Variants in ARL6 observed in about 807,000 individuals in gnomAD.
ARL6 encodes the protein ARF like GTPase 6, also known as ADP-ribosylation factor-like protein 6.
Under a neutral mutation model 27.1 loss-of-function variants are expected in ARL6, and 18 were observed. The ratio of observed to expected loss-of-function variants is 0.66; its 90% CI spans 0.46 to 0.98. The LOEUF (loss-of-function observed/expected upper bound fraction) is 0.98. Ranked by LOEUF, ARL6 falls within the 50% of genes least tolerant of loss-of-function variation. ARL6 has a pLI of 0.00. For missense variants in ARL6, 187 were observed against 214.9 expected, an observed-to-expected ratio of 0.87 and a Z score of 0.81; for synonymous variants, 65 against 72.3, an observed-to-expected ratio of 0.90 and a Z score of 0.51.
intron 2 of ARL6, among the ~76,000 whole-genome samples, chr3:97,774,286 C>G (rs2036784446): frequency 6.6e-6 from 1 of 152,138 alleles, no homozygotes; most frequent in African/African-American, 2.4e-5. Context: ...CTCTGGGGCC[C>G]CCCCAGGATT....
chr3:97,770,859 G>C (rs1377954756), intron 2 of ARL6, among the ~76,000 whole-genome samples: 1 of 151,906 alleles, frequency 6.6e-6, no homozygotes, highest in Admixed American at 6.6e-5. Context: ...TGGCTTCTCT[G>C]TTCTCTTCTG....
At chr3:97,776,082 C>T (rs1489526625) in intron 2 of ARL6, among the ~76,000 whole-genome samples, 1 of 152,168 alleles carries the variant, frequency 6.6e-6, no homozygotes, top group Non-Finnish European at 1.5e-5. Context: ...CACCCTTTAG[C>T]TCTATTAATG....
intron 2 of ARL6, among the ~76,000 whole-genome samples, chr3:97,776,754 T>A (rs763128669): frequency 2.4e-4 from 36 of 152,264 alleles, no homozygotes; most frequent in Non-Finnish European, 2.9e-4. Flanking sequence ...TTTCCCGGGT[T>A]CAAGTGATTC....
At chr3:97,775,877 C>A (rs1214101760) in intron 2 of ARL6, among the ~76,000 whole-genome samples, 1 of 152,048 alleles carries the variant, frequency 6.6e-6, no homozygotes, top group Non-Finnish European at 1.5e-5. Flanking sequence ...GAGAATGTTC[C>A]ATTTGATGAT....
At chr3:97,783,833 A>C (rs1468336845) in intron 4 of ARL6, among the ~76,000 whole-genome samples, 2 of 151,842 alleles carry the variant, frequency 1.3e-5, no homozygotes, top group Admixed American at 6.6e-5. Flanking sequence ...ATTGGCAATT[A>C]ATGAACTAGA....
chr3:97,791,748 G>A lies in ARL6; in HGVS notation c.480-23G>A, dbSNP rs1183570399. 1.9e-6 allele frequency: 3 copies of A among 1,611,536 alleles called. No homozygotes were observed. The highest frequency in any genetic ancestry group is 1.3e-5 in the African/African-American group (1 of 74,970). On this transcript the variant is annotated intron_variant, in intron 6 of 7. Coordinates refer to ENST00000463745, the MANE Select transcript of ARL6 (RefSeq NM_001278293.3). ...TTTTGTGATGTAATGAGATGGCTAT[G>A]TTTCTTATGGATTTCATTTCAGTGC...
intron 3 of ARL6, 146 bp downstream of exon 3, chr3:97,780,366 G>A (rs1477152697): frequency 2.0e-5 from 15 of 754,834 alleles, no homozygotes; most frequent in Admixed American, 5.9e-5. Context: ...CACTATGGCT[G>A]GTTTATTTTT....
rs1232602270 is a variant in ARL6 at position 97,800,743 on chromosome 3, C to A, written c.*2694C>A. The A allele has an allele frequency of 6.6e-6, 1 of 152,090 alleles. No homozygotes were observed. Among genetic ancestry groups the A allele is most frequent in the Non-Finnish European group, 1.5e-5 (1 of 68,008 alleles). 9.4% of individuals were successfully genotyped at this position (152,090 alleles called of 1,614,324 possible). ...TACCATAGACTGGGTGGCTTATAAA[C>A]GACAGAAATTTATTTCTTACAGCTC... is the stretch of plus-strand genomic sequence containing the variant. On this transcript the variant is annotated 3_prime_UTR_variant, in exon 8 of 8. Coordinates refer to ENST00000463745, the MANE Select transcript of ARL6 (RefSeq NM_001278293.3).
At chr3:97,780,107 A>C in intron 2 of ARL6, 52 bp from the exon 3 acceptor site, 1 of 1,448,154 alleles carries the variant, frequency 6.9e-7, no homozygotes. Flanking sequence ...AACTTGAGGA[A>C]AACTCATCTC....
At chr3:97,785,390 C>A (rs1231565562) in intron 5 of ARL6, among the ~76,000 whole-genome samples, 4 of 147,496 alleles carry the variant, frequency 2.7e-5, no homozygotes, top group African/African-American at 1.0e-4. Context: ...TGTATTTCAA[C>A]ACCCATTAAA....
At chr3:97,766,594 G>C (rs1346646151) in intron 1 of ARL6, 2 of 152,118 alleles carry the variant, frequency 1.3e-5, no homozygotes, top group Non-Finnish European at 2.9e-5. Flanking sequence ...TATCCCAAAA[G>C]GCCTAAGCAA....
chr3:97,798,072 A>C lies in ARL6; in HGVS notation c.*23A>C. 1 of 1,609,662 alleles carries C rather than the reference A, an allele frequency of 6.2e-7. No individual in the cohort carries two copies. Among genetic ancestry groups the C allele is most frequent in the Non-Finnish European group, 8.5e-7 (1 of 1,176,160 alleles). ...TGAAAAGATAATAGTTGGAAACCTC[A>C]GCAATTTTCAATTCAAGGAATCTAT... On this transcript the variant is annotated 3_prime_UTR_variant, in exon 8 of 8. Transcript: ENST00000463745.
intron 1 of ARL6, among the ~76,000 whole-genome samples, chr3:97,765,703 G>A (rs942379055): frequency 1.4e-4 from 21 of 152,160 alleles, no homozygotes; most frequent in Admixed American, 3.3e-4. Context: ...AACTACAGAT[G>A]CCCTGATCTT....
rs542079367 is a variant in ARL6 at position 97,765,615 on chromosome 3, T to C, written c.-28+638T>C. 2.6e-5 allele frequency among the ~76,000 whole-genome samples: 4 copies of C among 152,332 alleles called. No homozygotes were observed. In the East Asian group the frequency reaches 7.7e-4, roughly 29 times the overall value. ...AACCTTAAAAGCTGTGCTTGGAAGT[T>C]TGAAACTACTGGCTTTATTCTGAAA... On this transcript the variant is annotated intron_variant, in intron 1 of 7. Transcript: ENST00000463745.
chr3:97,797,730 A>T (rs1223024523), intron 7 of ARL6, among the ~76,000 whole-genome samples: 1 of 152,168 alleles, frequency 6.6e-6, no homozygotes, highest in African/African-American at 2.4e-5. Context: ...TACAACTTTG[A>T]TAAAAATAAT....
intron 6 of ARL6, among the ~76,000 whole-genome samples, chr3:97,790,152 A>T (rs2037665102): frequency 6.6e-6 from 1 of 151,882 alleles, no homozygotes; most frequent in South Asian, 2.1e-4. Flanking sequence ...ATAAGCAAAT[A>T]AATTTATAAA....
intron 2 of ARL6, among the ~76,000 whole-genome samples, chr3:97,773,669 A>C (rs1227705761): frequency 6.6e-6 from 1 of 152,268 alleles, no homozygotes. Flanking sequence ...ATCTTATGTC[A>C]CATGATAAAG....
At chr3:97,787,130 A>T (rs1444564526) in intron 5 of ARL6, among the ~76,000 whole-genome samples, 1 of 152,176 alleles carries the variant, frequency 6.6e-6, no homozygotes, top group Admixed American at 6.5e-5. Flanking sequence ...GATTGTTCAT[A>T]GTTGTAAAGA....
At chr3:97,794,917 T>C (rs2037927678) in intron 7 of ARL6, among the ~76,000 whole-genome samples, 1 of 152,058 alleles carries the variant, frequency 6.6e-6, no homozygotes, top group Non-Finnish European at 1.5e-5. Flanking sequence ...TGAAACACTA[T>C]TGTGACTAAA....
Sources: gnomAD v4.1 joint callset for allele counts (sites outside exome capture counted in the v4.1 genomes callset) on GRCh38, gnomAD v4.1.1 for gene constraint, MANE v1.5 for transcripts, NCBI Gene and HGNC (gene_info 2026-07-23, HGNC 2026-07-21) for gene names.